The following CCSER1 variants were observed in gnomAD, a reference collection of about 807,000 sequenced individuals.
CCSER1 encodes coiled-coil serine rich protein 1, also known as serine-rich coiled-coil domain-containing protein 1.
A neutral mutation model predicts 82.0 loss-of-function variants in CCSER1; 41 were observed. That is an observed-to-expected ratio of 0.50 (90% CI 0.39 to 0.65). The LOEUF (loss-of-function observed/expected upper bound fraction) is 0.65. Among genes scored for constraint, CCSER1 ranks in the 30% least tolerant of loss-of-function variants. The pLI is 0.00. For missense variants in CCSER1, 1,119 were observed against 1,064.2 expected (o/e 1.05, Z -0.72); for synonymous variants, 414 against 383.9 (o/e 1.08, Z -0.92).
intron 9 of CCSER1, among the ~76,000 whole-genome samples, chr4:90,982,928 C>T (rs1277292747): frequency 6.6e-6 from 1 of 151,766 alleles, no homozygotes; most frequent in Non-Finnish European, 1.5e-5. Context: ...TCACTTGCAC[C>T]TTCAGGCCAA....
chr4:90,932,976 AAGAAAG>A lies in CCSER1; in HGVS notation c.2172+9537_2172+9542del, dbSNP rs1561384962. ...AAAGAAAGAAAGAAAGAAAGAAAGA[AAGAAAG>A]AGAAAGAAAGAAAGAAAGAAAGAAA... On this transcript the variant is annotated intron_variant, in intron 9 of 10. Transcript: ENST00000509176. Among the ~76,000 whole-genome samples, 93 of 38,652 alleles carry A rather than the reference AAGAAAG, an allele frequency of 2.4e-3. 19 individuals are homozygous for A. Among genetic ancestry groups the A allele is most frequent in the African/African-American group, 0.012 (62 of 5,328 alleles). 25.4% of individuals were successfully genotyped at this position (38,652 alleles called of 152,430 possible).
intron 10 of CCSER1, among the ~76,000 whole-genome samples, chr4:91,310,253 G>A (rs958980560): frequency 2.0e-5 from 3 of 151,602 alleles, no homozygotes; most frequent in Middle Eastern, 3.4e-3. Context: ...TTTTATTATC[G>A]TGCCTTGACC....
rs552028348 is a variant in CCSER1, at chr4:90,436,406, C to T, written c.1604-31828C>T. ...GTTCAACTCAAAATAGAAAACAGAACTGTACACAGCTTAGCAGTGATGTAA... is the reference window on the plus strand; with the variant it reads ...GTTCAACTCAAAATAGAAAACAGAATTGTACACAGCTTAGCAGTGATGTAA... On this transcript the variant is annotated intron_variant, in intron 4 of 10. Coordinates refer to ENST00000509176, the MANE Select transcript of CCSER1 (RefSeq NM_001145065.2). Among the ~76,000 whole-genome samples, 3 of 152,300 alleles carry T rather than the reference C, an allele frequency of 2.0e-5. No individual in the cohort carries two copies. In the South Asian group the frequency reaches 6.2e-4, roughly 32 times the overall value.
chr4:90,925,321 T>G (rs1728924657), intron 9 of CCSER1, among the ~76,000 whole-genome samples: 1 of 152,116 alleles, frequency 6.6e-6, no homozygotes, highest in African/African-American at 2.4e-5. Context: ...TTGTTGGGAG[T>G]CTAGTCTTTT....
intron 10 of CCSER1, among the ~76,000 whole-genome samples, chr4:91,179,420 C>T (rs1244526591): frequency 6.6e-6 from 1 of 152,198 alleles, no homozygotes; most frequent in Non-Finnish European, 1.5e-5. Context: ...TCCATTCTCC[C>T]CGCCACTTTC....
chr4:90,360,386 C>A (rs1462105525), intron 3 of CCSER1, among the ~76,000 whole-genome samples: 4 of 149,856 alleles, frequency 2.7e-5, no homozygotes, highest in African/African-American at 9.7e-5. Context: ...AAAAATTAGC[C>A]GGGTGTGGTG....
At chr4:90,663,161 C>A (rs921830249) in intron 6 of CCSER1, among the ~76,000 whole-genome samples, 1 of 151,960 alleles carries the variant, frequency 6.6e-6, no homozygotes, top group Admixed American at 6.6e-5. Flanking sequence ...CTGTTTGAAA[C>A]CTAGAGGAAA....
intron 9 of CCSER1, among the ~76,000 whole-genome samples, chr4:90,948,759 T>C (rs1411704579): frequency 6.6e-6 from 1 of 152,018 alleles, no homozygotes; most frequent in Non-Finnish European, 1.5e-5. Context: ...TAATTTTATT[T>C]CTCAGTCAGA....
intron 10 of CCSER1, among the ~76,000 whole-genome samples, chr4:91,393,218 T>A (rs908027671): frequency 8.5e-5 from 13 of 152,098 alleles, no homozygotes; most frequent in African/African-American, 3.1e-4. Flanking sequence ...TAACACATAA[T>A]GGAGACATAC....
chr4:90,920,191 G>T (rs1374764619), intron 8 of CCSER1, among the ~76,000 whole-genome samples: 1 of 151,844 alleles, frequency 6.6e-6, no homozygotes, highest in Non-Finnish European at 1.5e-5. Context: ...TCTCCATATT[G>T]CTTCCTTCTG....
intron 10 of CCSER1, among the ~76,000 whole-genome samples, chr4:91,481,790 A>T (rs1253101013): frequency 6.6e-6 from 1 of 152,208 alleles, no homozygotes; most frequent in Non-Finnish European, 1.5e-5. Flanking sequence ...TAATTAAACT[A>T]AAAAGCTTCT....
At chr4:91,224,531 G>A (rs2149105097) in intron 10 of CCSER1, among the ~76,000 whole-genome samples, 1 of 152,104 alleles carries the variant, frequency 6.6e-6, no homozygotes, top group South Asian at 2.1e-4. Context: ...ATATGACTAC[G>A]TGACTAACTG....
At chr4:91,309,565 G>T (rs1290181808) in intron 10 of CCSER1, among the ~76,000 whole-genome samples, 1 of 151,902 alleles carries the variant, frequency 6.6e-6, no homozygotes, top group East Asian at 1.9e-4. Context: ...TTTCATTTGT[G>T]ATATTGACTT....
chr4:90,388,400 G>A (rs149595355), intron 3 of CCSER1, among the ~76,000 whole-genome samples: 4 of 150,636 alleles, frequency 2.7e-5, no homozygotes, highest in African/African-American at 2.4e-5. Flanking sequence ...ACCTTTGCCC[G>A]CTGGGTTCAA....
intron 5 of CCSER1, among the ~76,000 whole-genome samples, chr4:90,604,634 A>C (rs1476364112): frequency 6.6e-6 from 1 of 152,178 alleles, no homozygotes; most frequent in African/African-American, 2.4e-5. Flanking sequence ...TGGGCTCCTG[A>C]GTCAGGTGGG....
chr4:90,378,612 C>G (rs1187984085), intron 3 of CCSER1, among the ~76,000 whole-genome samples: 5 of 152,096 alleles, frequency 3.3e-5, no homozygotes, highest in Admixed American at 6.6e-5. Flanking sequence ...AGGACATAAG[C>G]TTATTTTACT....
chr4:91,278,422 C>T (rs150900895), intron 10 of CCSER1, among the ~76,000 whole-genome samples: 3 of 152,228 alleles, frequency 2.0e-5, no homozygotes, highest in African/African-American at 7.2e-5. Context: ...ATCCTTTAAT[C>T]ATTATATAAT....
At chr4:90,856,869 G>C (rs1764520853) in intron 8 of CCSER1, among the ~76,000 whole-genome samples, 1 of 151,746 alleles carries the variant, frequency 6.6e-6, no homozygotes, top group Non-Finnish European at 1.5e-5. Context: ...TCTCTATGTA[G>C]GGGAGGCTTA....
At chr4:91,306,753 T>C (rs1281222823) in intron 10 of CCSER1, among the ~76,000 whole-genome samples, 2 of 152,070 alleles carry the variant, frequency 1.3e-5, no homozygotes, top group Admixed American at 1.3e-4. Context: ...CAATGAAGTG[T>C]AAGCATGCCA....
Sources: allele counts gnomAD v4.1 joint callset (sites outside exome capture counted in the v4.1 genomes callset), GRCh38; gene constraint gnomAD v4.1.1; transcripts MANE v1.5; gene names NCBI Gene and HGNC (gene_info 2026-07-23, HGNC 2026-07-21).